The following BMX variants were observed in gnomAD, a reference collection of about 807,000 sequenced individuals.
BMX encodes BMX non-receptor tyrosine kinase.
A neutral mutation model predicts 59.2 loss-of-function variants in BMX; 31 were observed. The ratio of observed to expected loss-of-function variants is 0.52; its 90% CI spans 0.39 to 0.71. The LOEUF is 0.71. Among genes scored for constraint, BMX ranks in the 30% least tolerant of loss-of-function variants. The pLI is 0.00. For missense variants in BMX, 474 were observed against 491.7 expected, an observed-to-expected ratio of 0.96 and a Z score of 0.34; for synonymous variants, 185 against 181.0, an observed-to-expected ratio of 1.02 and a Z score of -0.18.
Position 15,556,172 on chromosome X carries a change from G to T in BMX, c.*25G>T. On this transcript the variant is annotated 3_prime_UTR_variant, in exon 19 of 19. Transcript: ENST00000348343. ...AAGAAGAAATTAGGAGTGCTGATAA[G>T]AATGAATATAGATGCTGGCCAGCAT... is the stretch of plus-strand genomic sequence containing the variant. 8.6e-7 allele frequency: 1 copy of T among 1,156,484 alleles called. No individual in the cohort carries two copies. The highest frequency in any genetic ancestry group is 1.2e-6 in the Non-Finnish European group (1 of 857,959).
chrX:15,555,963 ATT>A (rs1926416212), intron 18 of BMX, 108 bp from the exon 19 acceptor site: 2 of 750,436 alleles, frequency 2.7e-6, no homozygotes, highest in Non-Finnish European at 1.9e-6. Context: ...GTGTTTCCAC[ATT>A]TTAAAAGTTG....
intron 18 of BMX, among the ~76,000 whole-genome samples, chrX:15,551,547 T>TG (rs1926200697): frequency 2.0e-5 from 2 of 101,188 alleles, no homozygotes; most frequent in African/African-American, 7.6e-5. Flanking sequence ...ATATATATTT[T>TG]TTTTTTTTTA....
Position 15,543,115 on chromosome X carries a change from A to G in BMX, c.1656A>G (p.Val552=), listed in dbSNP as rs1309019451. Reference sequence around the variant, plus strand: ...TGGACAGAGATCTCTGTGTGAAAGTATCTGACTTTGGAATGACAAGGTAAG... The same window carrying G: ...TGGACAGAGATCTCTGTGTGAAAGTGTCTGACTTTGGAATGACAAGGTAAG... ...CLVDRDLCVK[V]SDFGMTRYVL... is the part of the protein sequence containing the mutation. The change falls in exon 16 of 19, where the codon GTA becomes GTG. Residue 552 remains valine, a synonymous_variant. Coordinates refer to ENST00000348343, the MANE Select transcript of BMX (RefSeq NM_203281.3). 2.5e-6 allele frequency: 3 copies of G among 1,206,492 alleles called. No homozygotes were observed. The African/African-American group carries it at 5.3e-5, about 21-fold the overall frequency.
rs777049972 is a variant in BMX at position 15,510,366 on chromosome X, T to A, written c.243+933T>A. ...AATAATCCAGTTGATTAACAACCCA[T>A]ACTTCCCATTTGGAAAAAATATTAC... On this transcript the variant is annotated intron_variant, in intron 3 of 18. Transcript: ENST00000348343. Among the ~76,000 whole-genome samples, 3 of 111,564 alleles carry A rather than the reference T, an allele frequency of 2.7e-5. No homozygotes were observed. The Admixed American group carries it at 2.9e-4, about 11-fold the overall frequency.
intron 6 of BMX, among the ~76,000 whole-genome samples, chrX:15,522,089 T>C (rs1041590620): frequency 9.0e-6 from 1 of 111,435 alleles, no homozygotes; most frequent in Non-Finnish European, 1.9e-5. Context: ...ATTTACTAGA[T>C]TCTGCAAACA....
chrX:15,517,036 T>G (rs1924191071), intron 5 of BMX, among the ~76,000 whole-genome samples: 1 of 111,666 alleles, frequency 9.0e-6, no homozygotes, highest in African/African-American at 3.3e-5. Flanking sequence ...TAGAACTTCA[T>G]GAAATGGAAA....
chrX:15,537,157 G>C lies in BMX; in HGVS notation c.1246G>C (p.Glu416Gln). The change falls in exon 14 of 19, where the codon GAG becomes CAG. Residue 416 changes from glutamate to glutamine, a missense_variant. Transcript: ENST00000348343. Reference protein sequence around the residue: ...GNGIWELKREEITLLKELGSG... With the variant: ...GNGIWELKREQITLLKELGSG... ...AGGAATCTGGGAACTGAAAAGAGAA[G>C]AGATTACCTTGTTGAAGGAGCTGGG... 1 of 1,211,062 alleles carries C rather than the reference G, an allele frequency of 8.3e-7. No homozygotes were observed. Among genetic ancestry groups the C allele is most frequent in the South Asian group, 1.8e-5 (1 of 56,951 alleles).
At chrX:15,539,721 A>G (rs764556714) in intron 14 of BMX, among the ~76,000 whole-genome samples, 1 of 112,687 alleles carries the variant, frequency 8.9e-6, no homozygotes, top group South Asian at 3.7e-4. Context: ...AATCCTGTAA[A>G]TTGTTAAAAT....
At chrX:15,542,324 G>T (rs767372517) in intron 15 of BMX, 126 bp downstream of exon 15, 93 of 580,695 alleles carry the variant, frequency 1.6e-4, no homozygotes, top group Middle Eastern at 1.6e-3. Flanking sequence ...CTTGTGACTT[G>T]TTTAAGCAAA....
At chrX:15,505,969 G>A (rs142865418) in intron 1 of BMX, among the ~76,000 whole-genome samples, 1,709 of 109,111 alleles carry the variant, frequency 0.016, 15 homozygotes, top group Non-Finnish European at 0.024. Flanking sequence ...TCACTCTATC[G>A]CCCAGGCTGG....
At chrX:15,515,802 T>C (rs1924130093) in intron 4 of BMX, among the ~76,000 whole-genome samples, 1 of 112,201 alleles carries the variant, frequency 8.9e-6, no homozygotes, top group African/African-American at 3.2e-5. Flanking sequence ...CCACTCACTT[T>C]CTTTACAGAT....
In BMX at chrX:15,517,080, C is replaced by G. The variant is rs1169993662; in HGVS notation, c.445+849C>G. ...GCACATAAAATATTTTTTAAATTCACTTCATGACAGTATTGATACCCAACA... is the reference window on the plus strand; with the variant it reads ...GCACATAAAATATTTTTTAAATTCAGTTCATGACAGTATTGATACCCAACA... On this transcript the variant is annotated intron_variant, in intron 5 of 18. Transcript: ENST00000348343. 4.5e-5 allele frequency among the ~76,000 whole-genome samples: 5 copies of G among 111,389 alleles called. No homozygotes were observed. In the Admixed American group the frequency reaches 4.8e-4, roughly 11 times the overall value.
At chrX:15,549,460 T>C (rs1402161407) in intron 17 of BMX, among the ~76,000 whole-genome samples, 1 of 112,048 alleles carries the variant, frequency 8.9e-6, no homozygotes, top group Non-Finnish European at 1.9e-5. Context: ...CACTCATTCA[T>C]AAGGGTTGGG....
intron 18 of BMX, among the ~76,000 whole-genome samples, chrX:15,554,115 T>C (rs142459827): frequency 1.4e-4 from 16 of 112,683 alleles, no homozygotes; most frequent in African/African-American, 5.2e-4. Flanking sequence ...GGTATTTCTG[T>C]ATGCAAAAAC....
chrX:15,516,250 G>A lies in BMX; in HGVS notation c.445+19G>A, dbSNP rs768841727. 2 of 1,204,204 alleles carry A rather than the reference G, an allele frequency of 1.7e-6. No individual in the cohort carries two copies. Among genetic ancestry groups the A allele is most frequent in the South Asian group, 3.6e-5 (2 of 56,214 alleles). ...GAAGCATGTAATGTGTGATTCCTCT[G>A]TTGGACTGGACGTTGGGTGGATAGT... is the stretch of plus-strand genomic sequence containing the variant. On this transcript the variant is annotated intron_variant, in intron 5 of 18. Coordinates refer to ENST00000348343, the MANE Select transcript of BMX (RefSeq NM_203281.3).
chrX:15,537,048 C>T, intron 13 of BMX, 86 bp from the exon 14 acceptor site: 1 of 967,779 alleles, frequency 1.0e-6, no homozygotes, highest in South Asian at 2.1e-5. Flanking sequence ...CTGTGAAACT[C>T]CCATTGGAGA....
intron 12 of BMX, 79 bp from the exon 13 acceptor site, chrX:15,536,274 A>T: frequency 1.0e-6 from 1 of 1,003,218 alleles, no homozygotes; most frequent in Non-Finnish European, 1.4e-6. Context: ...TTGGAGAGAG[A>T]CTAGTTGTGA....
At chrX:15,506,261 G>T (rs769897696) in intron 1 of BMX, among the ~76,000 whole-genome samples, 17 of 111,797 alleles carry the variant, frequency 1.5e-4, no homozygotes, top group Non-Finnish European at 2.6e-4. Flanking sequence ...GGGAAAGACT[G>T]AATAGCACCT....
chrX:15,506,440 G>T (rs1923745234), intron 1 of BMX, among the ~76,000 whole-genome samples: 1 of 112,113 alleles, frequency 8.9e-6, no homozygotes, highest in Admixed American at 9.5e-5. Context: ...AAATTGACAA[G>T]AGTTTTCACA....
Sources: allele counts gnomAD v4.1 joint callset (sites outside exome capture counted in the v4.1 genomes callset), GRCh38; gene constraint gnomAD v4.1.1; transcripts MANE v1.5; gene names NCBI Gene and HGNC (gene_info 2026-07-23, HGNC 2026-07-21).